The following PMEL variants were observed in gnomAD, a reference collection of about 807,000 sequenced individuals.
PMEL encodes melanocyte protein PMEL.
In PMEL, 53 loss-of-function variants were observed where a neutral mutation model predicts 64.9. The ratio of observed to expected loss-of-function variants is 0.82; its 90% confidence interval spans 0.66 to 1.03. PMEL has a LOEUF of 1.03. Ranked by LOEUF, PMEL falls within the 50% of genes least tolerant of loss-of-function variation. The pLI, the probability that PMEL is intolerant of heterozygous loss-of-function variation, is 0.00. For missense variants in PMEL, 716 were observed against 814.9 expected (o/e 0.88, Z 1.48); for synonymous variants, 299 against 316.2 (o/e 0.95, Z 0.58).
chr12:55,958,034 T>C lies in PMEL; in HGVS notation c.520A>G (p.Thr174Ala). Residue 174 changes from threonine to alanine, a missense_variant, in exon 5 of 11, where the codon ACA (threonine) becomes GCA (alanine). Transcript: ENST00000548747. ...TGTGTGCCCAGCATTGCCCTGCCTG[T>C]CCCAATGCTCAGCCCAGACACTGGG... ...GGPVSGLSIG[T>A]GRAMLGTHTM... 6.2e-7 allele frequency: 1 copy of C among 1,614,164 alleles called. No homozygotes were observed. Among genetic ancestry groups the C allele is most frequent in the Non-Finnish European group, 8.5e-7 (1 of 1,180,010 alleles).
Position 55,954,214 on chromosome 12 carries a change from T to C in PMEL, c.1986A>G (p.Ter662TrpextTer?). Reference sequence around the variant, plus strand: ...AAATCACAGCATCATATGAGAGTACTCAGACCTGCTGCCCACTGAGGAGGG... The same window carrying C: ...AAATCACAGCATCATATGAGAGTACCCAGACCTGCTGCCCACTGAGGAGGG... ...NSPLLSGQQV* is the reference protein window; with the variant it reads ...NSPLLSGQQVW The change falls in exon 11 of 11, where the codon TGA becomes TGG. Residue 662 changes from the stop codon to tryptophan, a stop_lost. Coordinates refer to ENST00000548747, the MANE Select transcript of PMEL (RefSeq NM_001384361.1). 2 of 1,609,648 alleles carry C rather than the reference T, an allele frequency of 1.2e-6. No individual in the cohort carries two copies. The highest frequency in any genetic ancestry group is 1.7e-6 in the Non-Finnish European group (2 of 1,178,294).
At chr12:55,960,210 C>CAAA (rs56810428) in intron 3 of PMEL, among the ~76,000 whole-genome samples, 7,244 of 56,022 alleles carry the variant, frequency 0.13, 275 homozygotes, top group Middle Eastern at 0.21. Flanking sequence ...GACTCTGTCT[C>CAAA]AAAAAAAAAA....
Position 55,957,440 on chromosome 12 carries a change from G to A in PMEL, c.863C>T (p.Ala288Val). The change falls in exon 6 of 11, where the codon GCC becomes GTC. Residue 288 changes from alanine (A) to valine (V), a missense_variant. Transcript: ENST00000548747. ...AATGGCAGCCTGCAGGACCACCTGG[G>A]CAGTGACTGGGCCAGGCTCCAGGTA... The part of the protein sequence containing the change: ...HTYLEPGPVT[A>V]QVVLQAAIPL... 6.2e-7 allele frequency: 1 copy of A among 1,612,672 alleles called. No homozygotes were observed. Among genetic ancestry groups the A allele is most frequent in the Non-Finnish European group, 8.5e-7 (1 of 1,179,072 alleles).
intron 7 of PMEL, 104 bp from the exon 8 acceptor site, chr12:55,955,967 G>A (rs1888869929): frequency 1.7e-6 from 2 of 1,167,678 alleles, no homozygotes; most frequent in Non-Finnish European, 2.6e-6. Flanking sequence ...CCATCCCTGT[G>A]CTTTCAAATG....
In PMEL at chr12:55,962,217, G is replaced by A. The variant is rs1328183124; in HGVS notation, c.77-485C>T. Among the ~76,000 whole-genome samples, 5 of 151,690 alleles carry A rather than the reference G, an allele frequency of 3.3e-5. No individual in the cohort carries two copies. In the Middle Eastern group the frequency reaches 0.01, roughly 312 times the overall value. On this transcript the variant is annotated intron_variant, in intron 1 of 10. Coordinates refer to ENST00000548747, the MANE Select transcript of PMEL (RefSeq NM_001384361.1). Reference sequence around the variant, plus strand: ...TCCCAGTACTTTGGGAGGCTGAGGCGGGTGGATCATGAGGTCAAGAGATAG... The same window carrying A: ...TCCCAGTACTTTGGGAGGCTGAGGCAGGTGGATCATGAGGTCAAGAGATAG...
chr12:55,956,103 G>A lies in PMEL; in HGVS notation c.1471C>T (p.Gln491Ter), dbSNP rs748220539. The A allele has an allele frequency of 1.1e-5, 18 of 1,604,282 alleles. No homozygotes were observed. Among genetic ancestry groups the A allele is most frequent in the African/African-American group, 1.3e-5 (1 of 74,690 alleles). The change falls in exon 7 of 11, where the codon CAG becomes TAG. Residue 491 changes from glutamine to a stop codon, truncating the protein, a stop_gained and splice_region_variant. Coordinates refer to ENST00000548747, the MANE Select transcript of PMEL (RefSeq NM_001384361.1). LOFTEE classifies it high-confidence loss of function. ...AGCCACCAAAGTAGGCAAGACTCAC[G>A]GACAATGTCCAGGGTGACGGAAAAG... Reference protein sequence around the residue: ...GSFSVTLDIVQGIESAEILQA... With the variant: ...GSFSVTLDIV
At chr12:55,956,491 C>T in intron 6 of PMEL, 1 of 404,520 alleles carries the variant, frequency 2.5e-6, no homozygotes, top group South Asian at 4.2e-5. Context: ...ATGTCAGGTC[C>T]TAGGCTAGAC....
In PMEL at chr12:55,957,015, C is replaced by T. The variant is rs544996711; in HGVS notation, c.1288G>A (p.Glu430Lys). The T allele has an allele frequency of 7.4e-6, 12 of 1,614,216 alleles. No homozygotes were observed. In the South Asian group the frequency reaches 1.2e-4, roughly 16 times the overall value. ...CCTTCAGGCTCAGGGATAGGTAGCT[C>T]TCTAGCTGTGGTCTCCACCCACTCT... ...TTEWVETTAR[E>K]LPIPEPEGPD... The change falls in exon 6 of 11, where the codon GAG becomes AAG. Residue 430 changes from glutamate (E) to lysine (K), a missense_variant. Transcript: ENST00000548747.
chr12:55,962,800 G>C (rs1040120988), intron 1 of PMEL, among the ~76,000 whole-genome samples: 1 of 151,524 alleles, frequency 6.6e-6, no homozygotes, highest in African/African-American at 2.4e-5. Flanking sequence ...CAAAGTGCTG[G>C]GATTATAGGC....
chr12:55,955,621 G>T lies in PMEL; in HGVS notation c.1605C>A (p.Pro535=). The T allele has an allele frequency of 1.2e-6, 2 of 1,613,798 alleles. No homozygotes were observed. The highest frequency in any genetic ancestry group is 1.7e-6 in the Non-Finnish European group (2 of 1,179,920). Residue 535 remains proline (P), a synonymous_variant, in exon 9 of 11, where the codon CCC becomes CCA. Transcript: ENST00000548747. The stretch of plus-strand genomic sequence containing the variant: ...CAGGCTGGCACAGCCGCTGGGCAGG[G>T]GGCTGGCACCCTGGCGATGAGATCT... ...CMEISSPGCQ[P]PAQRLCQPVL...
Position 55,958,025 on chromosome 12 carries a change from C to G in PMEL, c.529G>C (p.Ala177Pro). Residue 177 changes from alanine to proline, a missense_variant, in exon 5 of 11, where the codon GCA becomes CCA. By Grantham distance (27) the Ala-to-Pro change is conservative (BLOSUM62 -1). Coordinates refer to ENST00000548747, the MANE Select transcript of PMEL (RefSeq NM_001384361.1). The stretch of plus-strand genomic sequence containing the variant: ...TCCATGGTGTGTGTGCCCAGCATTG[C>G]CCTGCCTGTCCCAATGCTCAGCCCA... Reference protein sequence around the residue: ...VSGLSIGTGRAMLGTHTMEVT... With the variant: ...VSGLSIGTGRPMLGTHTMEVT... 6.2e-7 allele frequency: 1 copy of G among 1,614,140 alleles called. No homozygotes were observed. The highest frequency in any genetic ancestry group is 8.5e-7 in the Non-Finnish European group (1 of 1,180,014).
chr12:55,961,834 ATTT>A (rs1201947206), intron 1 of PMEL, 102 bp from the exon 2 acceptor site: 4,847 of 501,896 alleles, frequency 9.7e-3, no homozygotes, highest in South Asian at 0.013. Flanking sequence ...TTCGAAGTGC[ATTT>A]TTTTTTTTTT....
rs540067645 is a variant in PMEL at position 55,955,498 on chromosome 12, G to A, written c.1728C>T (p.Ser576=). 2.5e-6 allele frequency: 4 copies of A among 1,614,098 alleles called. No individual in the cohort carries two copies. In the African/African-American group the frequency reaches 4.0e-5, roughly 16 times the overall value. Residue 576 remains serine (S), a synonymous_variant, in exon 9 of 11, where the codon AGC becomes AGT. Coordinates refer to ENST00000548747, the MANE Select transcript of PMEL (RefSeq NM_001384361.1). ...CLNVSLADTN[S]LAVVSTQLIM... ...TAAGCTGGGTGCTGACCACTGCCAG[G>A]CTGTTGGTATCAGCCAGAGACACAT... is the stretch of plus-strand genomic sequence containing the variant.
At position 55,957,393 on chromosome 12, in the gene PMEL, A is replaced by G. The variant is rs1592767532; in HGVS notation, c.910T>C (p.Ser304Pro). 6.2e-7 allele frequency: 1 copy of G among 1,600,232 alleles called. No individual in the cohort carries two copies. Among genetic ancestry groups the G allele is most frequent in the African/African-American group, 1.3e-5 (1 of 74,740 alleles). The change falls in exon 6 of 11, where the codon TCC becomes CCC. Residue 304 changes from serine to proline, a missense_variant. Physicochemically the swap from Ser to Pro is moderately conservative, Grantham distance 74. Transcript: ENST00000548747. Reference protein sequence around the residue: ...AAIPLTSCGSSPVPGTTDGHR... With the variant: ...AAIPLTSCGSPPVPGTTDGHR... ...CCATCTGTGGTGCCTGGAACTGGGG[A>G]GGAGCCACAGGAGGTGAGAGGAATG...
rs768815168 is a variant in PMEL at position 55,957,670 on chromosome 12, G to T, written c.633C>A (p.Asp211Glu). The change falls in exon 6 of 11, where the codon GAC becomes GAA. Residue 211 changes from aspartate (D) to glutamate (E), a missense_variant and splice_region_variant. Transcript: ENST00000548747. The stretch of plus-strand genomic sequence containing the variant: ...ACACGCTCACGGAGAAAGGCACCTG[G>T]TCTGGGATTGGAGCCAGAAAAGGTG... The part of the protein sequence containing the change: ...AHSSSAFTIT[D>E]QVPFSVSVSQ... 9 of 1,608,036 alleles carry T rather than the reference G, an allele frequency of 5.6e-6. No individual in the cohort carries two copies. The highest frequency in any genetic ancestry group is 6.8e-6 in the Non-Finnish European group (8 of 1,176,738).
chr12:55,963,408 G>GT (rs1889178256), intron 1 of PMEL, among the ~76,000 whole-genome samples: 1 of 152,142 alleles, frequency 6.6e-6, no homozygotes, highest in African/African-American at 2.4e-5. Context: ...ACTAGTTGTT[G>GT]TTTTTGTTTT....
intron 3 of PMEL, among the ~76,000 whole-genome samples, chr12:55,960,210 C>CAAAAAAAAA (rs56810428): frequency 3.1e-3 from 172 of 56,020 alleles, no homozygotes; most frequent in African/African-American, 0.012. Flanking sequence ...GACTCTGTCT[C>CAAAAAAAAA]AAAAAAAAAA....
At chr12:55,955,724 G>C in intron 8 of PMEL, 55 bp from the exon 9 acceptor site, 3 of 1,608,892 alleles carry the variant, frequency 1.9e-6, no homozygotes, top group Non-Finnish European at 2.6e-6. Context: ...CTAAATGCCA[G>C]AGAGCGGAGA....
chr12:55,957,456 G>A lies in PMEL; in HGVS notation c.847C>T (p.Pro283Ser), dbSNP rs758924313. 5.6e-6 allele frequency: 9 copies of A among 1,613,562 alleles called. No individual in the cohort carries two copies. In the East Asian group the frequency reaches 1.8e-4, roughly 32 times the overall value. ...ACCACCTGGGCAGTGACTGGGCCAG[G>A]CTCCAGGTAAGTATGAGTGACCACA... ...ALVVTHTYLE[P>S]GPVTAQVVLQ... The change falls in exon 6 of 11, where the codon CCT becomes TCT. Residue 283 changes from proline (P) to serine (S), a missense_variant. Coordinates refer to ENST00000548747, the MANE Select transcript of PMEL (RefSeq NM_001384361.1).
Sources: allele counts gnomAD v4.1 joint callset (sites outside exome capture counted in the v4.1 genomes callset), GRCh38; gene constraint gnomAD v4.1.1; transcripts MANE v1.5; gene names NCBI Gene and HGNC (gene_info 2026-07-23, HGNC 2026-07-21).